The following MDGA2 variants were observed in gnomAD, a reference collection of about 807,000 sequenced individuals.
The protein encoded by MDGA2 is MAM domain-containing glycosylphosphatidylinositol anchor protein 2.
MDGA2 carries 40 observed loss-of-function variants against 117.8 expected under a neutral mutation model. That is an observed-to-expected ratio of 0.34 (90% confidence interval 0.26 to 0.44). The LOEUF (loss-of-function observed/expected upper bound fraction) is 0.44. MDGA2 is among the 20% of genes least tolerant of loss of function. The pLI is 1.00. For missense variants in MDGA2, 1,123 were observed against 1,250.6 expected (o/e 0.90, Z 1.54); for synonymous variants, 452 against 439.0 (o/e 1.03, Z -0.37).
rs867009939 is a variant in MDGA2, at chr14:47,334,059, T to C, written c.281-32509A>G. 4.0e-5 allele frequency among the ~76,000 whole-genome samples: 6 copies of C among 151,886 alleles called. No individual in the cohort carries two copies. In the South Asian group the frequency reaches 6.2e-4, roughly 16 times the overall value. ...AACTAAAAATAAGTCTATAATGGAA[T>C]TAGGACTCATCACACTCAAAAGGTG... On this transcript the variant is annotated intron_variant, in intron 1 of 16. Transcript: ENST00000399232.
chr14:46,872,232 A>C (rs996961857), intron 14 of MDGA2, among the ~76,000 whole-genome samples: 1 of 151,936 alleles, frequency 6.6e-6, no homozygotes, highest in Non-Finnish European at 1.5e-5. Context: ...GCTGATACAT[A>C]TTATGTGTCC....
chr14:47,247,632 T>TTTATTA (rs71448183), intron 2 of MDGA2, among the ~76,000 whole-genome samples: 17,305 of 145,970 alleles, frequency 0.12, 1,511 homozygotes, highest in Non-Finnish European at 0.17. Context: ...TCAGTACATA[T>TTTATTA]TTATTATTAT....
At chr14:47,501,079 G>A (rs1894389654) in intron 1 of MDGA2, among the ~76,000 whole-genome samples, 2 of 152,086 alleles carry the variant, frequency 1.3e-5, no homozygotes, top group Non-Finnish European at 2.9e-5. Context: ...GGAATAGTCA[G>A]ATATTATGTG....
At chr14:47,348,218 ATTTT>A (rs78606952) in intron 1 of MDGA2, among the ~76,000 whole-genome samples, 1 of 138,078 alleles carries the variant, frequency 7.2e-6, no homozygotes, top group African/African-American at 2.7e-5. Context: ...AAATCCTTAA[ATTTT>A]TTTTTTTTTT....
intron 3 of MDGA2, among the ~76,000 whole-genome samples, chr14:47,144,646 C>G (rs943736186): frequency 1.3e-5 from 2 of 151,762 alleles, no homozygotes; most frequent in African/African-American, 2.4e-5. Flanking sequence ...TTGACTTACT[C>G]TTTCTCTTTT....
intron 1 of MDGA2, among the ~76,000 whole-genome samples, chr14:47,535,240 G>A (rs912641527): frequency 6.6e-6 from 1 of 152,088 alleles, no homozygotes; most frequent in Non-Finnish European, 1.5e-5. Flanking sequence ...GCTTTTGATG[G>A]TTCTAAGAGC....
chr14:47,299,755 T>C (rs775605213), intron 2 of MDGA2, among the ~76,000 whole-genome samples: 6 of 152,156 alleles, frequency 3.9e-5, no homozygotes, highest in Non-Finnish European at 8.8e-5. Flanking sequence ...TGTCCTTGTA[T>C]GTTGTCTTTT....
chr14:46,987,453 G>A (rs993197812), intron 8 of MDGA2, among the ~76,000 whole-genome samples: 8 of 152,020 alleles, frequency 5.3e-5, no homozygotes, highest in Admixed American at 2.6e-4. Context: ...CAGAAACCAC[G>A]GAGCAGCTTT....
intron 1 of MDGA2, among the ~76,000 whole-genome samples, chr14:47,365,757 C>T (rs10131542): frequency 0.86 from 130,109 of 152,136 alleles, 55,735 homozygotes; most frequent in South Asian, 0.93. Context: ...GCCTTCTCTT[C>T]CTTGCATAAC....
chr14:46,952,293 T>C (rs572701451), intron 9 of MDGA2, among the ~76,000 whole-genome samples: 28 of 152,068 alleles, frequency 1.8e-4, no homozygotes, highest in South Asian at 1.0e-3. Flanking sequence ...AGAAGAAGCA[T>C]GCTTTACTTT....
intron 7 of MDGA2, among the ~76,000 whole-genome samples, chr14:47,048,130 T>TA (rs1371921967): frequency 2.0e-5 from 3 of 152,090 alleles, no homozygotes; most frequent in Non-Finnish European, 4.4e-5. Context: ...CATCCCTATA[T>TA]ACATCTACTC....
Position 47,174,832 on chromosome 14 carries a change from A to G in MDGA2, c.596-30558T>C, listed in dbSNP as rs534943553. On this transcript the variant is annotated intron_variant, in intron 3 of 16. Transcript: ENST00000399232. ...ACTGAAGGAAATAGAGACACAAAAA[A>G]CCCTTCAAAAAATTAATGAATCCAG... Among the ~76,000 whole-genome samples the G allele has an allele frequency of 1.6e-3, 251 of 152,216 alleles. 1 individual carries two copies. The highest frequency in any genetic ancestry group is 5.5e-3 in the African/African-American group (227 of 41,560).
At chr14:46,951,046 A>G (rs189277508) in intron 9 of MDGA2, among the ~76,000 whole-genome samples, 1 of 152,040 alleles carries the variant, frequency 6.6e-6, no homozygotes, top group Admixed American at 6.6e-5. Flanking sequence ...TATATACTGA[A>G]CATGGAGAAA....
intron 1 of MDGA2, among the ~76,000 whole-genome samples, chr14:47,335,284 T>TA (rs35051327): frequency 0.11 from 11,807 of 107,734 alleles, 670 homozygotes; most frequent in Middle Eastern, 0.16. Context: ...AAGTATATGG[T>TA]AAAAAAAAAA....
At chr14:47,266,046 A>AC (rs1167768205) in intron 2 of MDGA2, among the ~76,000 whole-genome samples, 7 of 152,134 alleles carry the variant, frequency 4.6e-5, no homozygotes, top group Admixed American at 4.6e-4. Context: ...CTCATATGTT[A>AC]CCTCATTTAA....
intron 1 of MDGA2, among the ~76,000 whole-genome samples, chr14:47,638,254 T>C (rs1897359618): frequency 6.6e-6 from 1 of 152,152 alleles, no homozygotes; most frequent in Admixed American, 6.5e-5. Flanking sequence ...TCAAAATAAA[T>C]TTAATTTGAG....
intron 1 of MDGA2, among the ~76,000 whole-genome samples, chr14:47,387,738 T>C (rs1161168442): frequency 6.6e-6 from 1 of 152,190 alleles, no homozygotes; most frequent in East Asian, 1.9e-4. Context: ...AGGATAAATA[T>C]ACTTAACTGA....
chr14:47,176,322 A>T (rs1350123023), intron 3 of MDGA2, among the ~76,000 whole-genome samples: 2 of 152,300 alleles, frequency 1.3e-5, no homozygotes, highest in Non-Finnish European at 1.5e-5. Flanking sequence ...TATGGAACCA[A>T]AACAGAGCCG....
At chr14:47,312,812 G>T (rs749577214) in intron 1 of MDGA2, among the ~76,000 whole-genome samples, 18 of 144,602 alleles carry the variant, frequency 1.2e-4, no homozygotes, top group African/African-American at 2.0e-4. Context: ...TTTCAGGCAT[G>T]AGCCACCATG....
Sources: allele counts gnomAD v4.1 joint callset (sites outside exome capture counted in the v4.1 genomes callset), GRCh38; gene constraint gnomAD v4.1.1; transcripts MANE v1.5; gene names NCBI Gene and HGNC (gene_info 2026-07-23, HGNC 2026-07-21).